The following MUC4 variants were observed in gnomAD, a reference collection of about 807,000 sequenced individuals.
MUC4 encodes mucin-4.
A neutral mutation model predicts 257.9 loss-of-function variants in MUC4; 202 were observed. The ratio of observed to expected loss-of-function variants is 0.78; its 90% CI spans 0.70 to 0.88. The LOEUF is 0.88. MUC4 is among the 40% of genes least tolerant of loss of function. MUC4 has a pLI of 0.00. For synonymous variants in MUC4, 2,351 were observed against 2,757.1 expected (o/e 0.85, Z 4.62); for missense variants, 5,976 against 6,513.7 (o/e 0.92, Z 2.84).
chr3:195,779,459 C>G lies in MUC4; in HGVS notation c.12121G>C (p.Ala4041Pro). Residue 4041 changes from alanine (A) to proline (P), a missense_variant, in exon 2 of 25, where the codon GCA becomes CCA. Physicochemically the swap from Ala to Pro is conservative, Grantham distance 27. This residue lies in a region of MUC4 where 293 missense variants were observed against 294.5 expected (regional missense o/e 1.00). Coordinates refer to ENST00000463781, the MANE Select transcript of MUC4 (RefSeq NM_018406.7). ...AGAGGGGTGGTGTCACCTGTGGATGCTGAGGAAGTGCTGGTGACAGGAACA... is the reference window on the plus strand; with the variant it reads ...AGAGGGGTGGTGTCACCTGTGGATGGTGAGGAAGTGCTGGTGACAGGAACA... The part of the protein sequence containing the change: ...TPVPVTSTSS[A>P]STGDTTPLPV... The G allele has an allele frequency of 8.0e-7, 1 of 1,257,606 alleles. No homozygotes were observed. The allele number at this position is 1,257,606 out of a possible 1,614,324, so 77.9% of individuals were successfully genotyped here. A position where few individuals can be genotyped will look rare whatever the true frequency, so the allele number is the denominator to read the frequency against.
rs149038835 is a variant in MUC4, at chr3:195,790,312, G to A, written c.1268C>T (p.Ser423Phe). Residue 423 changes from serine (S) to phenylalanine (F), a missense_variant, in exon 2 of 25, where the codon TCC becomes TTC. Around this residue, in one of 44 missense-constraint regions of MUC4, gnomAD observed 1,583 missense variants for 1,257.4 expected, o/e 1.26. Coordinates refer to ENST00000463781, the MANE Select transcript of MUC4 (RefSeq NM_018406.7). ...TGACCACCATATGGTTGAAACTTTG[G>A]AAGTGATTGCAGAAATGGTTCCACT... ...SVSGTISAIT[S>F]KVSTIWWSDT... The A allele has an allele frequency of 2.8e-3, 4,444 of 1,613,910 alleles. 3 individuals are homozygous for A. The highest frequency in any genetic ancestry group is 3.5e-3 in the Non-Finnish European group (4,173 of 1,179,808).
chr3:195,804,510 T>C (rs80312961), intron 1 of MUC4, among the ~76,000 whole-genome samples: 4,275 of 152,372 alleles, frequency 0.028, 215 homozygotes, highest in African/African-American at 0.097. Context: ...TGCTGTGGGT[T>C]GAGGCTTATT....
Position 195,783,046 on chromosome 3 carries a change from T to A in MUC4, c.8534A>T (p.His2845Leu). The A allele has an allele frequency of 1.2e-6, 1 of 830,758 alleles. No homozygotes were observed. The highest frequency in any genetic ancestry group is 1.7e-6 in the Non-Finnish European group (1 of 589,424). The allele number at this position is 830,758 out of a possible 1,614,324, so 51.5% of individuals were successfully genotyped here. A position where few individuals can be genotyped will look rare whatever the true frequency, so the allele number is the denominator to read the frequency against. The part of the protein sequence containing the change: ...VTIPSSASSG[H>L]TTPLPVTDAS... ...GTCGGTGACAGGAAGAGGGGTGGTG[T>A]GACCTGAGGATGCTGAGGAAGGGAT... Residue 2845 changes from histidine to leucine, a missense_variant, in exon 2 of 25, where the codon CAC becomes CTC. By Grantham distance (99) the His-to-Leu change is moderately conservative (BLOSUM62 -3). Around this residue, in one of 44 missense-constraint regions of MUC4, gnomAD observed 228 missense variants for 206.3 expected, o/e 1.11. Transcript: ENST00000463781.
intron 5 of MUC4, 123 bp downstream of exon 5, chr3:195,771,529 A>C: frequency 8.7e-7 from 1 of 1,154,472 alleles, no homozygotes; most frequent in Non-Finnish European, 1.2e-6. Flanking sequence ...ACCCATATTT[A>C]AGCCTCAGTC....
rs754450510 is a variant in MUC4, at chr3:195,790,963, G to C, written c.617C>G (p.Thr206Ser). Residue 206 changes from threonine (T) to serine (S), a missense_variant, in exon 2 of 25, where the codon ACC becomes AGC. Thr to Ser is a moderately conservative substitution (Grantham distance 58). This residue lies in a region of MUC4 where 1,583 missense variants were observed against 1,257.4 expected (regional missense o/e 1.26). Coordinates refer to ENST00000463781, the MANE Select transcript of MUC4 (RefSeq NM_018406.7). ...QNHWTRSTQT[T>S]RESQTSTLTH... ...TAGGGTGCTGGTTTGAGATTCCCTG[G>C]TGGTCTGCGTGCTCCGAGTCCAGTG... The C allele has an allele frequency of 6.2e-7, 1 of 1,613,984 alleles. No homozygotes were observed. Among genetic ancestry groups the C allele is most frequent in the Non-Finnish European group, 8.5e-7 (1 of 1,179,874 alleles).
chr3:195,801,447 G>C (rs1180649460), intron 1 of MUC4, among the ~76,000 whole-genome samples: 4 of 151,580 alleles, frequency 2.6e-5, no homozygotes, highest in African/African-American at 9.7e-5. Context: ...CGGGGCCCCG[G>C]GGCTCCCTCC....
chr3:195,756,433 C>T (rs2688523), intron 18 of MUC4, among the ~76,000 whole-genome samples: 71,521 of 152,148 alleles, frequency 0.47, 17,667 homozygotes, highest in East Asian at 0.74. Context: ...TGGAAGTTTC[C>T]TGCCAACCTG....
intron 1 of MUC4, among the ~76,000 whole-genome samples, chr3:195,807,352 C>T (rs926830642): frequency 2.0e-5 from 3 of 152,094 alleles, no homozygotes; most frequent in Admixed American, 1.3e-4. Context: ...TCTATAATCC[C>T]AGCTACTCGG....
rs534762923 is a variant in MUC4 at position 195,784,151 on chromosome 3, G to A, written c.7429C>T (p.His2477Tyr). ...GTDTSSVSTG[H>Y]TTPLLVTDAS... ...TCGGTGACAAGAAGAGGGGTGGTGT[G>A]ACCTGTGGATACTGAGGAAGTGTCG... is the stretch of plus-strand genomic sequence containing the variant. Residue 2477 changes from histidine to tyrosine, a missense_variant, in exon 2 of 25, where the codon CAC (histidine) becomes TAC (tyrosine). Transcript: ENST00000463781. 2.6e-6 allele frequency: 4 copies of A among 1,515,368 alleles called. No homozygotes were observed. Among genetic ancestry groups the A allele is most frequent in the Admixed American group, 2.0e-5 (1 of 49,174 alleles). The allele number at this position is 1,515,368 out of a possible 1,614,324, so 93.9% of individuals were successfully genotyped here.
Position 195,787,698 on chromosome 3 carries a change from GACGTGACCTGT to G in MUC4, c.3871_3881del (p.Thr1291HisfsTer31). ...AAGGGCTGGTGACATGAAGAGGAGT[GACGTGACCTGT>G]GGATGCTGAGGAAGTGCTAGTGACA... On this transcript the variant is annotated frameshift_variant, in exon 2 of 25. Coordinates refer to ENST00000463781, the MANE Select transcript of MUC4 (RefSeq NM_018406.7). LOFTEE classifies it high-confidence loss of function. 6 of 596,386 alleles carry G rather than the reference GACGTGACCTGT, an allele frequency of 1.0e-5. No individual in the cohort carries two copies. Among genetic ancestry groups the G allele is most frequent in the Middle Eastern group, 4.8e-4 (1 of 2,086 alleles). 36.9% of individuals were successfully genotyped at this position (596,386 alleles called of 1,614,324 possible).
chr3:195,751,001 C>T lies in MUC4; in HGVS notation c.15759G>A (p.Leu5253=). The T allele has an allele frequency of 2.5e-6, 4 of 1,614,068 alleles. No individual in the cohort carries two copies. The highest frequency in any genetic ancestry group is 3.4e-6 in the Non-Finnish European group (4 of 1,180,008). ...PVIDFLNNQL[L]AAVVEAFLYH... Reference sequence around the variant, plus strand: ...ATAAGAACGCCTCCACCACCGCGGCCAGCAGCTGGTTGTTCAGGAAGTCAA... The same window carrying T: ...ATAAGAACGCCTCCACCACCGCGGCTAGCAGCTGGTTGTTCAGGAAGTCAA... Residue 5253 remains leucine (L), a synonymous_variant, in exon 23 of 25, where the codon CTG becomes CTA. Transcript: ENST00000463781.
chr3:195,747,836 G>C (rs1272582272), intron 24 of MUC4, among the ~76,000 whole-genome samples: 2 of 152,292 alleles, frequency 1.3e-5, no homozygotes, highest in Non-Finnish European at 2.9e-5. Flanking sequence ...ACTCCAGCCT[G>C]GGGGACAGAG....
chr3:195,778,237 G>A, intron 3 of MUC4, 66 bp downstream of exon 3: 3 of 1,509,086 alleles, frequency 2.0e-6, no homozygotes, highest in East Asian at 2.4e-5. Context: ...GTGGGAAGTA[G>A]GCTGAGAGGG....
rs764794640 is a variant in MUC4 at position 195,771,807 on chromosome 3, T to C, written c.13087A>G (p.Asn4363Asp). 2 of 1,613,806 alleles carry C rather than the reference T, an allele frequency of 1.2e-6. No homozygotes were observed. The highest frequency in any genetic ancestry group is 4.5e-5 in the East Asian group (2 of 44,886). Residue 4363 changes from asparagine (N) to aspartate (D), a missense_variant, in exon 5 of 25, where the codon AAT (asparagine) becomes GAT (aspartate). Asn to Asp is a conservative substitution (Grantham distance 23). Around this residue, in one of 44 missense-constraint regions of MUC4, gnomAD observed 233 missense variants for 171.2 expected, o/e 1.36. Coordinates refer to ENST00000463781, the MANE Select transcript of MUC4 (RefSeq NM_018406.7). ...GACTCTGGGAAGATGATCTGGCCAT[T>C]GTCTGTGAACTGAGCACATGGGTTT... ...SLRDSLYFTD[N>D]GQIIFPESDY... is the part of the protein sequence containing the mutation.
At chr3:195,752,297 G>A (rs1262467805) in intron 21 of MUC4, 76 bp downstream of exon 21, 40 of 1,312,990 alleles carry the variant, frequency 3.0e-5, no homozygotes, top group African/African-American at 7.2e-5. Flanking sequence ...GATGAAGGCC[G>A]CACAGCGATG....
In MUC4 at chr3:195,752,427, G is replaced by T; in HGVS notation, c.15528C>A (p.Ile5176=). The change falls in exon 21 of 25, where the codon ATC becomes ATA. Residue 5176 remains isoleucine, a synonymous_variant. Coordinates refer to ENST00000463781, the MANE Select transcript of MUC4 (RefSeq NM_018406.7). Reference sequence around the variant, plus strand: ...TTTCCTCTTCACTGAGCAAGAGCTGGATGACTCTTAAGGGAAGTTCTGGAG... The same window carrying T: ...TTTCCTCTTCACTGAGCAAGAGCTGTATGACTCTTAAGGGAAGTTCTGGAG... ...TVNLELPLRV[I]QLLLSEEENA... is the part of the protein sequence containing the mutation. The T allele has an allele frequency of 6.2e-7, 1 of 1,614,034 alleles. No homozygotes were observed. Among genetic ancestry groups the T allele is most frequent in the Non-Finnish European group, 8.5e-7 (1 of 1,179,830 alleles).
intron 1 of MUC4, among the ~76,000 whole-genome samples, chr3:195,807,179 A>G (rs1736084772): frequency 6.6e-6 from 1 of 152,190 alleles, no homozygotes; most frequent in South Asian, 2.1e-4. Flanking sequence ...TTAAACCTCT[A>G]TGAAGTAGGG....
chr3:195,762,001 A>G, intron 14 of MUC4, 86 bp downstream of exon 14: 1 of 1,421,226 alleles, frequency 7.0e-7, no homozygotes, highest in South Asian at 1.3e-5. Flanking sequence ...AGGGAGGCCG[A>G]GCAGGGCTGC....
At chr3:195,767,874 CCAT>C (rs1560266064) in intron 7 of MUC4, among the ~76,000 whole-genome samples, 4 of 142,030 alleles carry the variant, frequency 2.8e-5, no homozygotes, top group African/African-American at 8.9e-5. Flanking sequence ...AACACCACCA[CCAT>C]CACCACCATC....
Sources: allele counts gnomAD v4.1 joint callset (sites outside exome capture counted in the v4.1 genomes callset), GRCh38; gene constraint gnomAD v4.1.1; regional missense constraint gnomAD v4.1.1; transcripts MANE v1.5; gene names NCBI Gene and HGNC (gene_info 2026-07-23, HGNC 2026-07-21).